The following IFIH1 variants were observed in gnomAD, a reference collection of about 807,000 sequenced individuals.
IFIH1 encodes interferon induced with helicase C domain 1.
In IFIH1, 125 loss-of-function variants were observed where a neutral mutation model predicts 107.4. The observed-to-expected ratio is 1.16, with a 90% CI of 1.01 to 1.35. IFIH1 has a LOEUF of 1.35. Ranked by LOEUF, IFIH1 falls within the 40% of genes most tolerant of loss-of-function variation. IFIH1 has a pLI of 0.00. For missense variants in IFIH1, 1,333 were observed against 1,213.7 expected (o/e 1.10, Z -1.46); for synonymous variants, 458 against 413.2 (o/e 1.11, Z -1.31).
chr2:162,293,667 T>C lies in IFIH1; in HGVS notation c.771A>G (p.Glu257=). 6.3e-7 allele frequency: 1 copy of C among 1,598,108 alleles called. No homozygotes were observed. Among genetic ancestry groups the C allele is most frequent in the Non-Finnish European group, 8.6e-7 (1 of 1,167,626 alleles). Residue 257 remains glutamate (E), a splice_region_variant and synonymous_variant, in exon 4 of 16, where the codon GAA becomes GAG. Transcript: ENST00000649979. ...SSFADSSVVS[E]SDTSLAEGSV... ...TTCCTTCTGCCAAACTTGTGTCTGA[T>C]TCTGCAAAGGAAAACATTTTAAAAT...
intron 14 of IFIH1, 113 bp downstream of exon 14, chr2:162,267,974 G>A (rs1381656926): frequency 3.0e-6 from 2 of 671,014 alleles, no homozygotes; most frequent in Non-Finnish European, 4.9e-6. Flanking sequence ...GGCTAAAGGA[G>A]AGGAAGTTGT....
chr2:162,308,883 T>A (rs1046657585), intron 2 of IFIH1, among the ~76,000 whole-genome samples: 2 of 152,334 alleles, frequency 1.3e-5, no homozygotes, highest in Non-Finnish European at 1.5e-5. Flanking sequence ...GCATGAACTC[T>A]AAGTCTAAAG....
chr2:162,318,328 A>C lies in IFIH1; in HGVS notation c.-21T>G, dbSNP rs1438414096. 2 of 1,596,220 alleles carry C rather than the reference A, an allele frequency of 1.3e-6. No homozygotes were observed. The highest frequency in any genetic ancestry group is 1.7e-6 in the Non-Finnish European group (2 of 1,167,112). On this transcript the variant is annotated 5_prime_UTR_variant, in exon 1 of 16. Coordinates refer to ENST00000649979, the MANE Select transcript of IFIH1 (RefSeq NM_022168.4). ...GACATCTTTCTTTCTCAGAGAAGGG[A>C]GAGGGTTCTCCCAAGCAGATGGTGC... is the stretch of plus-strand genomic sequence containing the variant.
In IFIH1 at chr2:162,267,358, G is replaced by A. The variant is rs748198655; in HGVS notation, c.2920C>T (p.His974Tyr). 3.7e-6 allele frequency: 6 copies of A among 1,613,836 alleles called. No homozygotes were observed. In the South Asian group the frequency reaches 5.5e-5, roughly 15 times the overall value. Residue 974 changes from histidine (H) to tyrosine (Y), a missense_variant, in exon 16 of 16, where the codon CAC becomes TAC. By Grantham distance (83) the His-to-Tyr change is moderately conservative. Transcript: ENST00000649979. Reference sequence around the variant, plus strand: ...AGACAAGGCAAATCTAAGCCTTTGTGCACCATCATTGTTCCCCAAGCCTGG... The same window carrying A: ...AGACAAGGCAAATCTAAGCCTTTGTACACCATCATTGTTCCCCAAGCCTGG... ...CGQAWGTMMVHKGLDLPCLKI... is the reference protein window; with the variant it reads ...CGQAWGTMMVYKGLDLPCLKI...
rs963824035 is a variant in IFIH1 at position 162,277,526 on chromosome 2, T to C, written c.1933A>G (p.Ser645Gly). Residue 645 changes from serine to glycine, a missense_variant, in exon 10 of 16, where the codon AGT becomes GGT. Ser to Gly is a moderately conservative substitution (Grantham distance 56, BLOSUM62 0). Transcript: ENST00000649979. ...DKKFAVIEDD[S>G]DEGGDDEYCD... ...TACTCATCATCACCACCCTCATCACTATCATCTTCTATGACTGCAAACTTC... is the reference window on the plus strand; with the variant it reads ...TACTCATCATCACCACCCTCATCACCATCATCTTCTATGACTGCAAACTTC... 3.8e-6 allele frequency: 6 copies of C among 1,586,328 alleles called. No individual in the cohort carries two copies. Among genetic ancestry groups the C allele is most frequent in the Non-Finnish European group, 5.2e-6 (6 of 1,155,044 alleles).
intron 11 of IFIH1, among the ~76,000 whole-genome samples, chr2:162,274,243 G>T (rs576233620): frequency 6.6e-5 from 10 of 152,284 alleles, no homozygotes; most frequent in Non-Finnish European, 4.4e-5. Context: ...AGGAAGAAAG[G>T]AGGAGCTGTC....
At chr2:162,305,874 T>C (rs1176779767) in intron 3 of IFIH1, among the ~76,000 whole-genome samples, 1 of 152,214 alleles carries the variant, frequency 6.6e-6, no homozygotes, top group Non-Finnish European at 1.5e-5. Context: ...TGTATAAAGA[T>C]GTGCCACTGC....
chr2:162,277,415 C>A lies in IFIH1; in HGVS notation c.2044G>T (p.Glu682Ter), dbSNP rs1558865869. The change falls in exon 10 of 16, where the codon GAA (glutamate) becomes TAA (stop). Residue 682 changes from glutamate to a stop codon, truncating the protein, a stop_gained and splice_region_variant. Coordinates refer to ENST00000649979, the MANE Select transcript of IFIH1 (RefSeq NM_022168.4). LOFTEE classifies it high-confidence loss of function. ...TDRFLMTLFFENNKMLKRLAE... is the reference protein window; with the variant it reads ...TDRFLMTLFF ...CAGTATATGTTACTTTGAATCTTAC[C>A]AAAAAATAAAGTCATGAGAAATCTA... is the stretch of plus-strand genomic sequence containing the variant. 6.2e-7 allele frequency: 1 copy of A among 1,603,420 alleles called. No individual in the cohort carries two copies.
intron 12 of IFIH1, among the ~76,000 whole-genome samples, chr2:162,273,444 T>C (rs1677076221): frequency 6.6e-6 from 1 of 152,196 alleles, no homozygotes; most frequent in South Asian, 2.1e-4. Context: ...TGGGACAGTG[T>C]ACTTTAGATT....
intron 5 of IFIH1, among the ~76,000 whole-genome samples, chr2:162,286,307 C>G (rs1682892595): frequency 6.6e-6 from 1 of 151,932 alleles, no homozygotes; most frequent in African/African-American, 2.4e-5. Context: ...GAGGAAGGAA[C>G]TCTAACCGGT....
At chr2:162,282,640 C>G (rs1682832310) in intron 5 of IFIH1, 64 bp from the exon 6 acceptor site, 3 of 1,050,462 alleles carry the variant, frequency 2.9e-6, no homozygotes, top group African/African-American at 1.6e-5. Flanking sequence ...GAGTGTTGAT[C>G]AAAGGCCTGT....
At chr2:162,311,699 A>T (rs1425879581) in intron 1 of IFIH1, among the ~76,000 whole-genome samples, 9 of 152,108 alleles carry the variant, frequency 5.9e-5, no homozygotes, top group African/African-American at 2.2e-4. Context: ...CTAATATAGC[A>T]ATAAGGATTT....
intron 3 of IFIH1, among the ~76,000 whole-genome samples, chr2:162,296,651 A>G (rs575867704): frequency 1.9e-4 from 29 of 152,296 alleles, no homozygotes; most frequent in Non-Finnish European, 3.7e-4. Context: ...TTCAACAGCA[A>G]GAGACATTTT....
intron 13 of IFIH1, among the ~76,000 whole-genome samples, chr2:162,269,779 C>G (rs555446675): frequency 1.4e-3 from 207 of 152,284 alleles, no homozygotes; most frequent in African/African-American, 4.5e-3. Flanking sequence ...CATTTTAGAT[C>G]TCCCTTCAAG....
Position 162,267,167 on chromosome 2 carries a change from TGA to T in IFIH1, c.*31_*32del. 2 of 1,392,316 alleles carry T rather than the reference TGA, an allele frequency of 1.4e-6. No homozygotes were observed. Among genetic ancestry groups the T allele is most frequent in the Non-Finnish European group, 2.0e-6 (2 of 1,013,094 alleles). The allele number at this position is 1,392,316 out of a possible 1,614,324, so 86.2% of individuals were successfully genotyped here. On this transcript the variant is annotated 3_prime_UTR_variant, in exon 16 of 16. Transcript: ENST00000649979. ...ATCATAATCATATTAAATGTTTAACTGATAGTATTTTAAAAGAATCTTCAATC... is the reference window on the plus strand; with the variant it reads ...ATCATAATCATATTAAATGTTTAACTTAGTATTTTAAAAGAATCTTCAATC...
chr2:162,317,255 T>C (rs1683512078), intron 1 of IFIH1, among the ~76,000 whole-genome samples: 1 of 152,148 alleles, frequency 6.6e-6, no homozygotes, highest in African/African-American at 2.4e-5. Flanking sequence ...CCAATAAAAC[T>C]TTATGAACAC....
At chr2:162,272,736 AG>A (rs751818268) in intron 12 of IFIH1, among the ~76,000 whole-genome samples, 1 of 152,130 alleles carries the variant, frequency 6.6e-6, no homozygotes, top group Non-Finnish European at 1.5e-5. Flanking sequence ...CTTTCTTGGT[AG>A]GAAGCTGGGA....
rs865898522 is a variant in IFIH1 at position 162,281,326 on chromosome 2, A to T, written c.1524+2T>A. The T allele has an allele frequency of 1.9e-6, 3 of 1,609,156 alleles. No homozygotes were observed. Among genetic ancestry groups the T allele is most frequent in the Non-Finnish European group, 2.5e-6 (3 of 1,176,674 alleles). On this transcript the variant is annotated splice_donor_variant, in intron 7 of 15. Coordinates refer to ENST00000649979, the MANE Select transcript of IFIH1 (RefSeq NM_022168.4). LOFTEE classifies it high-confidence loss of function. ...TTGGTTATACATAAAATTATGACTT[A>T]CTTTTAAAATGTGTTCTTCAGCTTT...
intron 1 of IFIH1, among the ~76,000 whole-genome samples, chr2:162,316,862 G>A (rs1683495076): frequency 6.6e-6 from 1 of 152,142 alleles, no homozygotes; most frequent in African/African-American, 2.4e-5. Flanking sequence ...TCAATGTAAA[G>A]TCATCAGTAA....
Sources: gnomAD v4.1 joint callset for allele counts (sites outside exome capture counted in the v4.1 genomes callset) on GRCh38, gnomAD v4.1.1 for gene constraint, MANE v1.5 for transcripts, NCBI Gene and HGNC (gene_info 2026-07-23, HGNC 2026-07-21) for gene names.